The following KDM6B variants were observed in gnomAD, a reference collection of about 807,000 sequenced individuals.
KDM6B encodes the protein lysine-specific demethylase 6B.
A neutral mutation model predicts 150.4 loss-of-function variants in KDM6B; 22 were observed. The ratio of observed to expected loss-of-function variants is 0.15; its 90% CI spans 0.10 to 0.21. The LOEUF (loss-of-function observed/expected upper bound fraction) is 0.21. Among genes scored for constraint, KDM6B ranks in the 10% least tolerant of loss-of-function variants. The pLI is 1.00. For missense variants in KDM6B, 1,984 were observed against 2,234.3 expected (o/e 0.89, Z 2.26); for synonymous variants, 1,148 against 921.1 (o/e 1.25, Z -4.46).
At position 7,847,439 on chromosome 17, in the gene KDM6B, C is replaced by G. The variant is rs761595634; in HGVS notation, c.1244C>G (p.Pro415Arg). Reference protein sequence around the residue: ...SSNTGLRGVEPNPGIPGADHY... With the variant: ...SSNTGLRGVERNPGIPGADHY... ...AACACTGGTCTCCGGGGCGTGGAGC[C>G]GAACCCAGGCATTGTGAGTGACAAC... Residue 415 changes from proline (P) to arginine (R), a missense_variant, in exon 11 of 24, where the codon CCG becomes CGG. Transcript: ENST00000448097. 6.2e-7 allele frequency: 1 copy of G among 1,613,678 alleles called. No homozygotes were observed. The highest frequency in any genetic ancestry group is 8.5e-7 in the Non-Finnish European group (1 of 1,179,964).
At chr17:7,846,377 G>GGGCCCCCCCCCCCCCCCCCCCCC in intron 7 of KDM6B, 23 bp from the exon 8 acceptor site, 1 of 1,479,500 alleles carries the variant, frequency 6.8e-7, no homozygotes, top group Non-Finnish European at 9.1e-7. Flanking sequence ...ATCTGCCCCT[G>GGGCCCCCCCCCCCCCCCCCCCCC]CCCCGTGTCC....
intron 6 of KDM6B, 43 bp from the exon 7 acceptor site, chr17:7,846,035 A>G (rs2078527465): frequency 6.4e-7 from 1 of 1,563,224 alleles, no homozygotes; most frequent in South Asian, 1.1e-5. Flanking sequence ...GAGTCCCCTC[A>G]AGCCCAACCC....
chr17:7,834,648 G>A (rs2078295217), intron 1 of KDM6B, among the ~76,000 whole-genome samples: 1 of 152,106 alleles, frequency 6.6e-6, no homozygotes, highest in Non-Finnish European at 1.5e-5. Context: ...GCGGGGCGGG[G>A]CGCGGCGGTC....
rs778843725 is a variant in KDM6B at position 7,852,032 on chromosome 17, A to C, written c.4247A>C (p.His1416Pro). Residue 1416 changes from histidine to proline, a missense_variant, in exon 19 of 24, where the codon CAC becomes CCC. By Grantham distance (77) the His-to-Pro change is moderately conservative. Around this residue, in one of 13 missense-constraint regions of KDM6B, gnomAD observed 19 missense variants for 21.1 expected, o/e 0.90. Transcript: ENST00000448097. ...TGCGAGTGGTTCGCGGTGCACGAGC[A>C]CTACTGGGAGACCATCAGCGCTTTC... ...GDCEWFAVHE[H>P]YWETISAFCD... The C allele has an allele frequency of 6.2e-7, 1 of 1,614,074 alleles. No individual in the cohort carries two copies. The highest frequency in any genetic ancestry group is 1.1e-5 in the South Asian group (1 of 91,084).
rs1032745320 is a variant in KDM6B at position 7,853,838 on chromosome 17, A to G, written c.*317A>G. ...CCAGGCTCCGGCGGCGGCGGGGGTC[A>G]CATACGGGTTCCCTCACCCTGCCAG... On this transcript the variant is annotated 3_prime_UTR_variant, in exon 24 of 24. Coordinates refer to ENST00000448097, the MANE Select transcript of KDM6B (RefSeq NM_001348716.2). 50 of 217,320 alleles carry G rather than the reference A, an allele frequency of 2.3e-4. 2 individuals are homozygous for G. In the Admixed American group the frequency reaches 2.5e-3, roughly 11 times the overall value. 13.5% of individuals were successfully genotyped at this position (217,320 alleles called of 1,614,324 possible).
chr17:7,846,375 C>T (rs771604048), intron 7 of KDM6B, 25 bp from the exon 8 acceptor site: 1 of 1,161,314 alleles, frequency 8.6e-7, no homozygotes, highest in Admixed American at 1.9e-5. Context: ...ACATCTGCCC[C>T]TGCCCCGTGT....
At position 7,847,164 on chromosome 17, in the gene KDM6B, C is replaced by G; in HGVS notation, c.969C>G (p.His323Gln). Residue 323 changes from histidine (H) to glutamine (Q), a missense_variant, in exon 11 of 24, where the codon CAC becomes CAG. By Grantham distance (24) the His-to-Gln change is conservative. Coordinates refer to ENST00000448097, the MANE Select transcript of KDM6B (RefSeq NM_001348716.2). The stretch of plus-strand genomic sequence containing the variant: ...ACCCAGCTCCAGCGTACACCGCGCA[C>G]CCCCCTGGCCACCGGCTGGTCCCGG... ...YPYPAPAYTA[H>Q]PPGHRLVPAA... The G allele has an allele frequency of 6.2e-7, 1 of 1,605,190 alleles. No homozygotes were observed. The highest frequency in any genetic ancestry group is 8.5e-7 in the Non-Finnish European group (1 of 1,178,834).
chr17:7,840,980 A>AG (rs1165192353), intron 2 of KDM6B, among the ~76,000 whole-genome samples: 2 of 152,174 alleles, frequency 1.3e-5, no homozygotes, highest in Non-Finnish European at 2.9e-5. Flanking sequence ...GAGGGAGAGT[A>AG]GGACAGAGGC....
At chr17:7,842,413 A>G (rs1390952018) in intron 2 of KDM6B, among the ~76,000 whole-genome samples, 8 of 152,088 alleles carry the variant, frequency 5.3e-5, no homozygotes, top group African/African-American at 1.9e-4. Context: ...CCTCAGAAGT[A>G]TATCGATCTC....
chr17:7,843,842 G>A lies in KDM6B; in HGVS notation c.-268-1059G>A. On this transcript the variant is annotated intron_variant, in intron 2 of 23. Coordinates refer to ENST00000448097, the MANE Select transcript of KDM6B (RefSeq NM_001348716.2). This position sits in a 1 kb window ranked among gnomAD's most constrained non-coding sequence, Gnocchi z 4.5. ...CGGGGACGCAGCTCCTGGGCTCAGA[G>A]AGGCGAGAAGGAAGAGCTGGGGCTA... 6.6e-6 allele frequency among the ~76,000 whole-genome samples: 1 copy of A among 152,254 alleles called. No homozygotes were observed. Among genetic ancestry groups the A allele is most frequent in the South Asian group, 2.1e-4 (1 of 4,830 alleles).
chr17:7,851,457 C>G (rs922668873), intron 16 of KDM6B, 21 bp from the exon 17 acceptor site: 1 of 1,614,216 alleles, frequency 6.2e-7, no homozygotes, highest in African/African-American at 1.3e-5. Context: ...CTCCACCAAC[C>G]TGTGCTCTTC....
chr17:7,845,026 C>G lies in KDM6B; in HGVS notation c.-149+6C>G, dbSNP rs989060470. The stretch of plus-strand genomic sequence containing the variant: ...GACGCTCCCACGGAGGCCGGGTAAG[C>G]GGCCGCTGCGTTTTGGGTCGGCCCA... On this transcript the variant is annotated splice_donor_region_variant and intron_variant, in intron 3 of 23. Transcript: ENST00000448097. 2 of 199,090 alleles carry G rather than the reference C, an allele frequency of 1.0e-5. No individual in the cohort carries two copies. Among genetic ancestry groups the G allele is most frequent in the African/African-American group, 4.7e-5 (2 of 42,772 alleles). The allele number at this position is 199,090 out of a possible 1,614,324, so 12.3% of individuals were successfully genotyped here.
chr17:7,834,650 G>C (rs1387521074), intron 1 of KDM6B, among the ~76,000 whole-genome samples: 3 of 152,020 alleles, frequency 2.0e-5, no homozygotes, highest in Non-Finnish European at 4.4e-5. Context: ...GGGGCGGGGC[G>C]CGGCGGTCCT....
At chr17:7,839,749 A>G (rs1194865667) in intron 1 of KDM6B, among the ~76,000 whole-genome samples, 157 bp from the exon 2 acceptor site, 1 of 152,062 alleles carries the variant, frequency 6.6e-6, no homozygotes, top group Non-Finnish European at 1.5e-5. Context: ...TTGGATGACC[A>G]CTTTGGGGAT....
Position 7,853,541 on chromosome 17 carries a change from C to T in KDM6B, c.*20C>T. 2.1e-6 allele frequency: 3 copies of T among 1,435,646 alleles called. No homozygotes were observed. Among genetic ancestry groups the T allele is most frequent in the Non-Finnish European group, 1.8e-6 (2 of 1,099,498 alleles). 88.9% of individuals were successfully genotyped at this position (1,435,646 alleles called of 1,614,324 possible). On this transcript the variant is annotated 3_prime_UTR_variant, in exon 24 of 24. Transcript: ENST00000448097. ...CGATGAGGCCGGACGCCCCGCCCGC[C>T]TGCCTGCCCGCGCAAGGCGCCGCGG...
At chr17:7,853,459 G>A in intron 23 of KDM6B, 39 bp from the exon 24 acceptor site, 6 of 1,513,482 alleles carry the variant, frequency 4.0e-6, no homozygotes, top group South Asian at 2.5e-5. Context: ...GAGCCCGGCC[G>A]CGCCTTTCCC....
rs201121189 is a variant in KDM6B at position 7,847,177 on chromosome 17, C to T, written c.982C>T (p.Arg328Trp). ...GTACACCGCGCACCCCCCTGGCCACCGGCTGGTCCCGGCTGCTCCCCCAGG... is the reference window on the plus strand; with the variant it reads ...GTACACCGCGCACCCCCCTGGCCACTGGCTGGTCCCGGCTGCTCCCCCAGG... The part of the protein sequence containing the change: ...PAYTAHPPGH[R>W]LVPAAPPGPG... The change falls in exon 11 of 24, where the codon CGG becomes TGG. Residue 328 changes from arginine to tryptophan, a missense_variant. Arg to Trp is a moderately radical substitution (Grantham distance 101). Transcript: ENST00000448097. The T allele has an allele frequency of 2.6e-4, 425 of 1,603,808 alleles. No individual in the cohort carries two copies. The highest frequency in any genetic ancestry group is 3.4e-4 in the Non-Finnish European group (397 of 1,179,288).
rs201070294 is a variant in KDM6B at position 7,849,004 on chromosome 17, C to G, written c.2716C>G (p.Pro906Ala). The change falls in exon 12 of 24, where the codon CCT becomes GCT. Residue 906 changes from proline (P) to alanine (A), a missense_variant. Coordinates refer to ENST00000448097, the MANE Select transcript of KDM6B (RefSeq NM_001348716.2). ...ACCGCCCCCACCCCTATCTCTGCCC[C>G]CTGCTCGCTCTGAGTCTGAGGTGCT... Reference protein sequence around the residue: ...TQPPPPLSLPPARSESEVLEE... With the variant: ...TQPPPPLSLPAARSESEVLEE... 4.7e-4 allele frequency: 754 copies of G among 1,596,044 alleles called. 4 individuals are homozygous for G. In the Middle Eastern group the frequency reaches 0.017, roughly 37 times the overall value.
At chr17:7,846,377 G>GGCCCCCCCCCCCCCCCCC in intron 7 of KDM6B, 23 bp from the exon 8 acceptor site, 1 of 1,479,498 alleles carries the variant, frequency 6.8e-7, no homozygotes, top group Non-Finnish European at 9.1e-7. Context: ...ATCTGCCCCT[G>GGCCCCCCCCCCCCCCCCC]CCCCGTGTCC....
Sources: allele counts gnomAD v4.1 joint callset (sites outside exome capture counted in the v4.1 genomes callset), GRCh38; gene constraint gnomAD v4.1.1; regional missense constraint gnomAD v4.1.1; non-coding constraint Gnocchi (gnomAD v3.1); transcripts MANE v1.5; gene names NCBI Gene and HGNC (gene_info 2026-07-23, HGNC 2026-07-21).